Variants in FHIP2B observed in about 807,000 individuals in gnomAD.
FHIP2B encodes the protein FHF complex subunit HOOK-interacting protein 2B.
In FHIP2B, 72 loss-of-function variants were observed where a neutral mutation model predicts 84.0. That is an observed-to-expected ratio of 0.86 (90% CI 0.71 to 1.04). FHIP2B has a LOEUF of 1.04. Among genes scored for constraint, FHIP2B ranks in the 50% least tolerant of loss-of-function variants. The pLI is 0.00. For synonymous variants in FHIP2B, 497 were observed against 418.7 expected (o/e 1.19, Z -2.28); for missense variants, 972 against 968.9 (o/e 1.00, Z -0.04).
chr8:22,090,903 C>A (rs1430333239), intron 1 of FHIP2B, among the ~76,000 whole-genome samples: 1 of 152,182 alleles, frequency 6.6e-6, no homozygotes, highest in East Asian at 1.9e-4. Context: ...CAGGCATGAG[C>A]CACCGCACCC....
chr8:22,100,965 G>C lies in FHIP2B; in HGVS notation c.1609G>C (p.Val537Leu). The change falls in exon 12 of 17, where the codon GTC becomes CTC. Residue 537 changes from valine to leucine, a missense_variant. Val to Leu is a conservative substitution (Grantham distance 32, BLOSUM62 1). Transcript: ENST00000289921. ...TGGCAAAACAGCAGTGACCGAGATCGTCAACAGGTGGGGAGCAAGTTAGGC... is the reference window on the plus strand; with the variant it reads ...TGGCAAAACAGCAGTGACCGAGATCCTCAACAGGTGGGGAGCAAGTTAGGC... ...YDGKTAVTEI[V>L]NSFLCLVPEE... is the part of the protein sequence containing the mutation. 6.2e-7 allele frequency: 1 copy of C among 1,613,684 alleles called. No individual in the cohort carries two copies. Among genetic ancestry groups the C allele is most frequent in the Non-Finnish European group, 8.5e-7 (1 of 1,179,818 alleles).
chr8:22,101,078 C>T, intron 12 of FHIP2B, 106 bp downstream of exon 12: 1 of 1,412,084 alleles, frequency 7.1e-7, no homozygotes, highest in African/African-American at 1.4e-5. Flanking sequence ...TGCAGTGGTA[C>T]AATCTCGGCT....
At chr8:22,099,978 T>G (rs1826015496) in intron 10 of FHIP2B, 85 bp downstream of exon 10, 1 of 1,390,362 alleles carries the variant, frequency 7.2e-7, no homozygotes, top group Non-Finnish European at 9.6e-7. Context: ...TCATTAGTGT[T>G]CCCAGTTGAC....
At chr8:22,091,881 A>G (rs534102016) in intron 1 of FHIP2B, among the ~76,000 whole-genome samples, 2 of 152,312 alleles carry the variant, frequency 1.3e-5, no homozygotes, top group Admixed American at 6.5e-5. Context: ...GTTTCCTGAG[A>G]TATCTGGTAA....
intron 1 of FHIP2B, among the ~76,000 whole-genome samples, chr8:22,093,706 G>T (rs1399934701): frequency 2.0e-3 from 73 of 36,168 alleles, no homozygotes; most frequent in Admixed American, 3.6e-3. Flanking sequence ...GAAAAGCTTT[G>T]TCTTTTTTTT....
intron 2 of FHIP2B, chr8:22,096,044 T>C (rs1825748484): frequency 7.5e-6 from 2 of 265,474 alleles, no homozygotes; most frequent in East Asian, 8.4e-5. Flanking sequence ...CATGTGTCCC[T>C]GTCTCTGTAC....
Position 22,104,831 on chromosome 8 carries a change from T to TAAAAAAAAAAAAAAAAA in FHIP2B, c.*1902_*1918dup, listed in dbSNP as rs60525064. The TAAAAAAAAAAAAAAAAA allele has an allele frequency of 3.2e-5, 4 of 126,508 alleles. No homozygotes were observed. The highest frequency in any genetic ancestry group is 7.6e-5 in the Admixed American group (1 of 13,092). The allele number at this position is 126,508 out of a possible 1,614,324, so 7.8% of individuals were successfully genotyped here. A position where few individuals can be genotyped will look rare whatever the true frequency, so the allele number is the denominator to read the frequency against. On this transcript the variant is annotated 3_prime_UTR_variant, in exon 17 of 17. Coordinates refer to ENST00000289921, the MANE Select transcript of FHIP2B (RefSeq NM_022749.7). The stretch of plus-strand genomic sequence containing the variant: ...CTGGGCAATAGAGTAAGACCCTGTC[T>TAAAAAAAAAAAAAAAAA]AAAAAAAAAAAAAAAAAATTTCACA...
chr8:22,099,380 AG>A lies in FHIP2B; in HGVS notation c.1151+22del. 1 of 1,611,778 alleles carries A rather than the reference AG, an allele frequency of 6.2e-7. No individual in the cohort carries two copies. Among genetic ancestry groups the A allele is most frequent in the Non-Finnish European group, 8.5e-7 (1 of 1,178,830 alleles). On this transcript the variant is annotated intron_variant, in intron 9 of 16. Coordinates refer to ENST00000289921, the MANE Select transcript of FHIP2B (RefSeq NM_022749.7). ...GCACGTGTAAGTGTCTAGTTCCCTC[AG>A]GCATGACTGTGGTCTACAGTAAACC... is the stretch of plus-strand genomic sequence containing the variant.
chr8:22,094,836 C>A (rs1825680131), intron 2 of FHIP2B: 1 of 1,194,862 alleles, frequency 8.4e-7, no homozygotes, highest in Non-Finnish European at 1.0e-6. Context: ...CTTCCAGCTC[C>A]AGACCTTCAG....
chr8:22,094,900 A>C (rs1825683406), intron 2 of FHIP2B: 97 of 1,069,576 alleles, frequency 9.1e-5, no homozygotes, highest in Non-Finnish European at 1.1e-4. Context: ...AATTTAATAA[A>C]TTCCCCTTTC....
At chr8:22,102,396 G>A in intron 15 of FHIP2B, 81 bp downstream of exon 15, 1 of 1,450,544 alleles carries the variant, frequency 6.9e-7, no homozygotes, top group Non-Finnish European at 9.4e-7. Flanking sequence ...AGGTGGTTGG[G>A]GGCTGGAGGG....
chr8:22,093,316 G>GTGTTGTTGTTGT (rs200310668), intron 1 of FHIP2B, among the ~76,000 whole-genome samples: 1 of 151,360 alleles, frequency 6.6e-6, no homozygotes, highest in Non-Finnish European at 1.5e-5. Context: ...CGAAGGAATG[G>GTGTTGTTGTTGT]TGTTGTTGTT....
intron 7 of FHIP2B, 111 bp downstream of exon 7, chr8:22,098,730 C>T: frequency 8.6e-7 from 1 of 1,168,016 alleles, no homozygotes; most frequent in East Asian, 2.6e-5. Context: ...CCCCTGCTGG[C>T]CACCCTCTCC....
Position 22,101,832 on chromosome 8 carries a change from T to A in FHIP2B, c.1832T>A (p.Met611Lys), listed in dbSNP as rs769595796. Residue 611 changes from methionine to lysine, a missense_variant, in exon 14 of 17, where the codon ATG becomes AAG. Physicochemically the swap from Met to Lys is moderately conservative, Grantham distance 95 (BLOSUM62 -1). Transcript: ENST00000289921. ...TTCCTCCGAGTGCTGTTTGACCGCATGTCCCGGATTCTGGATCAGGTAGCT... is the reference window on the plus strand; with the variant it reads ...TTCCTCCGAGTGCTGTTTGACCGCAAGTCCCGGATTCTGGATCAGGTAGCT... Reference protein sequence around the residue: ...GHFLRVLFDRMSRILDQPYSL... With the variant: ...GHFLRVLFDRKSRILDQPYSL... 6.2e-5 allele frequency: 100 copies of A among 1,613,516 alleles called. No individual in the cohort carries two copies. Among genetic ancestry groups the A allele is most frequent in the Non-Finnish European group, 8.2e-5 (97 of 1,179,824 alleles).
At chr8:22,092,475 G>C (rs1367163211) in intron 1 of FHIP2B, among the ~76,000 whole-genome samples, 5 of 152,100 alleles carry the variant, frequency 3.3e-5, no homozygotes, top group Non-Finnish European at 7.3e-5. Flanking sequence ...AGCAACTTGG[G>C]AGGCAGGAGA....
intron 1 of FHIP2B, among the ~76,000 whole-genome samples, chr8:22,093,987 G>C (rs1470004797): frequency 6.6e-6 from 1 of 152,130 alleles, no homozygotes; most frequent in African/African-American, 2.4e-5. Flanking sequence ...AAACTGTTGG[G>C]CTTACAGGCG....
At chr8:22,097,933 T>A (rs1188700063) in intron 5 of FHIP2B, 94 bp downstream of exon 5, 1 of 1,561,710 alleles carries the variant, frequency 6.4e-7, no homozygotes, top group Non-Finnish European at 8.7e-7. Context: ...AGAGATCAGG[T>A]ACCCGGGAGG....
chr8:22,101,559 T>A, intron 13 of FHIP2B, 29 bp downstream of exon 13: 1 of 1,598,924 alleles, frequency 6.3e-7, no homozygotes, highest in Non-Finnish European at 8.5e-7. Flanking sequence ...CAGCTCCCAC[T>A]TCCTGTCCTT....
chr8:22,096,181 A>T, intron 2 of FHIP2B, 156 bp from the exon 3 acceptor site: 1 of 670,730 alleles, frequency 1.5e-6, no homozygotes. Context: ...TGAAGCATTC[A>T]CTGTAAACTT....
Sources: allele counts gnomAD v4.1 joint callset (sites outside exome capture counted in the v4.1 genomes callset), GRCh38; gene constraint gnomAD v4.1.1; transcripts MANE v1.5; gene names NCBI Gene and HGNC (gene_info 2026-07-23, HGNC 2026-07-21).